The following CPOX variants were observed in gnomAD, a reference collection of about 807,000 sequenced individuals.
The protein encoded by CPOX is oxygen-dependent coproporphyrinogen-III oxidase, mitochondrial.
In CPOX, 24 loss-of-function variants were observed where a neutral mutation model predicts 48.9. The ratio of observed to expected loss-of-function variants is 0.49; its 90% CI spans 0.36 to 0.69. The LOEUF is 0.69. Among genes scored for constraint, CPOX ranks in the 30% least tolerant of loss-of-function variants. CPOX has a pLI of 0.00. For synonymous variants in CPOX, 249 were observed against 234.6 expected, an observed-to-expected ratio of 1.06 and a Z score of -0.56; for missense variants, 549 against 597.3, an observed-to-expected ratio of 0.92 and a Z score of 0.84.
chr3:98,574,383 T>C, the CPOX span, among the ~76,000 whole-genome samples: 1 of 152,142 alleles, frequency 6.6e-6, no homozygotes, highest in Non-Finnish European at 1.5e-5. Flanking sequence ...TTTGGGGAGA[T>C]ACCATATCTC....
chr3:98,587,807 C>T (rs1005946920), intron 4 of CPOX, among the ~76,000 whole-genome samples: 1 of 152,024 alleles, frequency 6.6e-6, no homozygotes, highest in South Asian at 2.1e-4. Flanking sequence ...TATTACCTAA[C>T]ACTGCTTAAA....
At chr3:98,579,056 C>CT, downstream of CPOX, among the ~76,000 whole-genome samples, 2 of 152,358 alleles carry the variant, frequency 1.3e-5, no homozygotes, top group South Asian at 4.1e-4. Flanking sequence ...TACTCTTCCT[C>CT]TTACTACTCC....
intron 1 of CPOX, 33 bp from the exon 2 acceptor site, chr3:98,591,188 T>TA: frequency 1.2e-6 from 2 of 1,613,578 alleles, no homozygotes; most frequent in Non-Finnish European, 1.7e-6. Context: ...GGAGAGAATG[T>TA]AAGAGTATGT....
chr3:98,581,120 C>T (rs1242297319), intron 6 of CPOX, among the ~76,000 whole-genome samples: 1 of 152,098 alleles, frequency 6.6e-6, no homozygotes, highest in Non-Finnish European at 1.5e-5. Flanking sequence ...CTCAGAAAAA[C>T]AAATAGGCAG....
At chr3:98,590,606 C>T in intron 3 of CPOX, 26 bp downstream of exon 3, 2 of 1,492,694 alleles carry the variant, frequency 1.3e-6, no homozygotes, top group Non-Finnish European at 1.9e-6. Context: ...CACGACAGTA[C>T]TTTCCGTAGC....
At chr3:98,584,984 G>A (rs1179296277) in intron 5 of CPOX, among the ~76,000 whole-genome samples, 2 of 152,104 alleles carry the variant, frequency 1.3e-5, no homozygotes. Flanking sequence ...TATCTTACAG[G>A]TTTGTTGAAA....
At chr3:98,583,473 G>A (rs1181924857) in intron 5 of CPOX, among the ~76,000 whole-genome samples, 1 of 151,980 alleles carries the variant, frequency 6.6e-6, no homozygotes, top group African/African-American at 2.4e-5. Flanking sequence ...CCTCTCTGGG[G>A]TGCCTATAAG....
chr3:98,588,659 CAG>C, intron 4 of CPOX, 52 bp downstream of exon 4: 1 of 1,599,280 alleles, frequency 6.3e-7, no homozygotes. Flanking sequence ...TAGTTGCCTT[CAG>C]AAGGAACAGA....
intron 4 of CPOX, among the ~76,000 whole-genome samples, chr3:98,588,146 T>C (rs1283085555): frequency 1.3e-5 from 2 of 152,234 alleles, no homozygotes; most frequent in African/African-American, 4.8e-5. Context: ...CTAAGCAGAA[T>C]TGAGTACTTT....
At chr3:98,583,746 C>A (rs1406709077) in intron 5 of CPOX, among the ~76,000 whole-genome samples, 2 of 152,142 alleles carry the variant, frequency 1.3e-5, no homozygotes, top group Non-Finnish European at 2.9e-5. Flanking sequence ...GGTGTTTGGA[C>A]AGGGTGAAGA....
intron 3 of CPOX, among the ~76,000 whole-genome samples, chr3:98,589,212 G>A (rs1165257364): frequency 2.0e-5 from 3 of 152,048 alleles, no homozygotes; most frequent in Admixed American, 6.5e-5. Flanking sequence ...CCAGCTACTC[G>A]GGAGGCTGAG....
chr3:98,579,341 G>A (rs1476022477), downstream of CPOX: 1 of 220,364 alleles, frequency 4.5e-6, no homozygotes, highest in Non-Finnish European at 7.6e-6. Context: ...CATGCAGTAA[G>A]GAGGAGTTGG....
At chr3:98,588,681 T>C (rs1264284829) in intron 4 of CPOX, 32 bp downstream of exon 4, 4 of 1,612,956 alleles carry the variant, frequency 2.5e-6, no homozygotes, top group Middle Eastern at 1.7e-4. Context: ...AATGTAATTT[T>C]GGGGTCATGA....
At chr3:98,577,395 A>G (rs183173866), downstream of CPOX, among the ~76,000 whole-genome samples, 5 of 152,222 alleles carry the variant, frequency 3.3e-5, no homozygotes, top group Admixed American at 6.5e-5. Flanking sequence ...AGGCAGGGAG[A>G]GCATTGCAAA....
In CPOX at chr3:98,593,320, A is replaced by G. The variant is rs1707522102; in HGVS notation, c.185T>C (p.Leu62Pro). 7.0e-7 allele frequency: 1 copy of G among 1,434,368 alleles called. No individual in the cohort carries two copies. Among genetic ancestry groups the G allele is most frequent in the Non-Finnish European group, 9.1e-7 (1 of 1,102,358 alleles). The allele number at this position is 1,434,368 out of a possible 1,614,324, so 88.9% of individuals were successfully genotyped here. A position where few individuals can be genotyped will look rare whatever the true frequency, so the allele number is the denominator to read the frequency against. The change falls in exon 1 of 7, where the codon CTG becomes CCG. Residue 62 changes from leucine to proline, a missense_variant. Physicochemically the swap from Leu to Pro is moderately conservative, Grantham distance 98 (BLOSUM62 -3). Around this residue, in one of 2 missense-constraint regions of CPOX, gnomAD observed 336 missense variants for 318.1 expected, o/e 1.06. Coordinates refer to ENST00000647941, the MANE Select transcript of CPOX (RefSeq NM_000097.7). ...GCCTCTCGACGTCGAGCCGTGCCCC[A>G]GCCCGCGGCTCTGCTCCGTGCCAGC... ...GPAGTEQSRGLGHGSTSRGGP... is the reference protein window; with the variant it reads ...GPAGTEQSRGPGHGSTSRGGP...
Position 98,593,190 on chromosome 3 carries a change from G to A in CPOX, c.315C>T (p.Thr105=). The change falls in exon 1 of 7, where the codon ACC becomes ACT. Residue 105 remains threonine (T), a synonymous_variant. Transcript: ENST00000647941. ...HVQRAEMLPK[T]SGTRATSLGR... is the part of the protein sequence containing the mutation. ...CCAGCGAAGTGGCCCGCGTCCCCGAGGTCTTAGGCAACATCTCCGCCCGCT... is the reference window on the plus strand; with the variant it reads ...CCAGCGAAGTGGCCCGCGTCCCCGAAGTCTTAGGCAACATCTCCGCCCGCT... 4.4e-6 allele frequency: 7 copies of A among 1,605,040 alleles called. No individual in the cohort carries two copies. Among genetic ancestry groups the A allele is most frequent in the Non-Finnish European group, 6.0e-6 (7 of 1,176,084 alleles).
intron 3 of CPOX, among the ~76,000 whole-genome samples, chr3:98,589,144 A>C (rs1707425700): frequency 6.6e-6 from 1 of 152,120 alleles, no homozygotes; most frequent in Non-Finnish European, 1.5e-5. Flanking sequence ...ATATATGGTG[A>C]AACCTCGTTG....
Position 98,593,138 on chromosome 3 carries a change from G to A in CPOX, c.367C>T (p.Leu123=). Residue 123 remains leucine, a synonymous_variant, in exon 1 of 7, where the codon CTG becomes TTG. Transcript: ENST00000647941. ...LGRPEEEEDE[L]AHRCSSFMAP... Reference sequence around the variant, plus strand: ...ATGAAGCTGCTGCAGCGGTGGGCCAGCTCATCCTCCTCCTCCTCCGGCCTC... The same window carrying A: ...ATGAAGCTGCTGCAGCGGTGGGCCAACTCATCCTCCTCCTCCTCCGGCCTC... 1 of 1,613,192 alleles carries A rather than the reference G, an allele frequency of 6.2e-7. No individual in the cohort carries two copies. Among genetic ancestry groups the A allele is most frequent in the Non-Finnish European group, 8.5e-7 (1 of 1,179,852 alleles).
intron 5 of CPOX, among the ~76,000 whole-genome samples, chr3:98,583,057 C>T (rs1707291283): frequency 6.6e-6 from 1 of 152,152 alleles, no homozygotes; most frequent in Non-Finnish European, 1.5e-5. Context: ...TGAAACATCT[C>T]TCTAGGGGAT....
Sources: gnomAD v4.1 joint callset for allele counts (sites outside exome capture counted in the v4.1 genomes callset) on GRCh38, gnomAD v4.1.1 for gene constraint, gnomAD v4.1.1 regional missense constraint, MANE v1.5 for transcripts, NCBI Gene and HGNC (gene_info 2026-07-23, HGNC 2026-07-21) for gene names.